RASGRP3: variants seen among roughly 807,000 people sequenced by gnomAD.
RASGRP3 encodes ras guanyl-releasing protein 3.
In RASGRP3, 54 loss-of-function variants were observed where a neutral mutation model predicts 82.7. The ratio of observed to expected loss-of-function variants is 0.65; its 90% CI spans 0.52 to 0.82. The LOEUF (loss-of-function observed/expected upper bound fraction) is 0.82. Among genes scored for constraint, RASGRP3 ranks in the 40% least tolerant of loss-of-function variants. The pLI is 0.00. For missense variants in RASGRP3, 861 were observed against 828.9 expected, an observed-to-expected ratio of 1.04 and a Z score of -0.48; for synonymous variants, 309 against 300.5, an observed-to-expected ratio of 1.03 and a Z score of -0.29.
intron 2 of RASGRP3, among the ~76,000 whole-genome samples, chr2:33,453,364 G>A (rs141543451): frequency 0.012 from 1,811 of 152,300 alleles, 95 homozygotes; most frequent in Admixed American, 0.096. Context: ...TGCATGGATA[G>A]TTGTTCAAAT....
At position 33,520,608 on chromosome 2, in the gene RASGRP3, A is replaced by T. The variant is rs1285164743; in HGVS notation, c.292A>T (p.Met98Leu). The T allele has an allele frequency of 6.2e-7, 1 of 1,613,884 alleles. No individual in the cohort carries two copies. Among genetic ancestry groups the T allele is most frequent in the African/African-American group, 1.3e-5 (1 of 74,926 alleles). Reference protein sequence around the residue: ...EFNLDLGLIRMTEEFREVASQ... With the variant: ...EFNLDLGLIRLTEEFREVASQ... ...TAATTTGGATCTTGGTTTGATTCGTATGACTGAGGAATTTCGGGAAGTAGC... is the reference window on the plus strand; with the variant it reads ...TAATTTGGATCTTGGTTTGATTCGTTTGACTGAGGAATTTCGGGAAGTAGC... Residue 98 changes from methionine to leucine, a missense_variant, in exon 6 of 18, where the codon ATG becomes TTG. Coordinates refer to ENST00000403687, the MANE Select transcript of RASGRP3 (RefSeq NM_001139488.2).
At chr2:33,529,190 T>C (rs1356525921) in intron 10 of RASGRP3, among the ~76,000 whole-genome samples, 1 of 152,092 alleles carries the variant, frequency 6.6e-6, no homozygotes, top group African/African-American at 2.4e-5. Context: ...TTGAAGGATT[T>C]TCAATAAAAT....
chr2:33,505,299 A>AT (rs747642159), intron 1 of RASGRP3, among the ~76,000 whole-genome samples: 3,495 of 142,664 alleles, frequency 0.024, 180 homozygotes, highest in East Asian at 0.18. Context: ...CGCAGACAGG[A>AT]TTTTTTTTTT....
chr2:33,493,986 C>G (rs924878912), intron 1 of RASGRP3, among the ~76,000 whole-genome samples: 1 of 152,158 alleles, frequency 6.6e-6, no homozygotes, highest in Non-Finnish European at 1.5e-5. Flanking sequence ...CCTACTGCCT[C>G]ATATACTTTT....
At chr2:33,540,851 A>G (rs1574464853) in intron 12 of RASGRP3, among the ~76,000 whole-genome samples, 1 of 126,718 alleles carries the variant, frequency 7.9e-6, no homozygotes, top group African/African-American at 2.6e-5. Context: ...CTAAGTAATG[A>G]TACTGGAATT....
intron 10 of RASGRP3, chr2:33,534,094 G>T: frequency 1.9e-6 from 1 of 523,658 alleles, no homozygotes; most frequent in East Asian, 3.2e-5. Context: ...AGTAAATATT[G>T]CTGAGGAATT....
chr2:33,491,538 T>C (rs1668844169), intron 1 of RASGRP3, among the ~76,000 whole-genome samples: 2 of 152,232 alleles, frequency 1.3e-5, no homozygotes, highest in Admixed American at 6.5e-5. Context: ...TAATTGCTTT[T>C]TAATATCCTG....
chr2:33,554,638 A>AAT, intron 14 of RASGRP3, among the ~76,000 whole-genome samples: 1 of 152,020 alleles, frequency 6.6e-6, no homozygotes, highest in Non-Finnish European at 1.5e-5. Flanking sequence ...ATGACCAGCT[A>AAT]ATTTTTTTGT....
At chr2:33,450,926 C>G (rs996838395) in intron 2 of RASGRP3, among the ~76,000 whole-genome samples, 1 of 143,814 alleles carries the variant, frequency 7.0e-6, no homozygotes, top group Non-Finnish European at 1.5e-5. Context: ...CAAACTCCAC[C>G]TCCCAGGTTC....
At chr2:33,509,558 G>A (rs1670735384) in intron 1 of RASGRP3, among the ~76,000 whole-genome samples, 1 of 152,122 alleles carries the variant, frequency 6.6e-6, no homozygotes, top group Non-Finnish European at 1.5e-5. Flanking sequence ...TAACACTTTA[G>A]TCATTGTAAA....
chr2:33,554,643 T>G (rs960194046), intron 14 of RASGRP3, among the ~76,000 whole-genome samples: 1 of 152,134 alleles, frequency 6.6e-6, no homozygotes, highest in Non-Finnish European at 1.5e-5. Context: ...CAGCTAATTT[T>G]TTTGTATTTT....
At chr2:33,466,679 CAA>C (rs35826724) in intron 2 of RASGRP3, among the ~76,000 whole-genome samples, 5 of 137,368 alleles carry the variant, frequency 3.6e-5, no homozygotes, top group Non-Finnish European at 6.4e-5. Flanking sequence ...AACTCTGTAT[CAA>C]AAAAAAAAAA....
chr2:33,486,164 ATTT>A (rs11288449), intron 1 of RASGRP3, among the ~76,000 whole-genome samples: 2,228 of 135,672 alleles, frequency 0.016, 104 homozygotes, highest in East Asian at 0.094. Context: ...TCTTTTATTT[ATTT>A]TTTTTTTTTT....
chr2:33,495,142 G>C (rs1292219506), intron 1 of RASGRP3, among the ~76,000 whole-genome samples: 1 of 152,220 alleles, frequency 6.6e-6, no homozygotes, highest in Non-Finnish European at 1.5e-5. Context: ...TGTGGTGTCA[G>C]TAGGTAGCCC....
rs546767179 is a variant in RASGRP3 at position 33,542,982 on chromosome 2, C to T, written c.1279-530C>T. Among the ~76,000 whole-genome samples, 7 of 152,206 alleles carry T rather than the reference C, an allele frequency of 4.6e-5. No individual in the cohort carries two copies. The South Asian group carries it at 1.2e-3, about 27-fold the overall frequency. ...TGCTAGGATTGCAGGCATGAGCCAC[C>T]GCGCCCAGCCGAAGTTTTATTTTTA... On this transcript the variant is annotated intron_variant, in intron 12 of 17. Coordinates refer to ENST00000403687, the MANE Select transcript of RASGRP3 (RefSeq NM_001139488.2).
At chr2:33,475,598 C>T (rs143729898), upstream of RASGRP3, among the ~76,000 whole-genome samples, 134 of 152,308 alleles carry the variant, frequency 8.8e-4, 1 homozygote, top group Non-Finnish European at 1.6e-3. Context: ...AGGGCAGGCT[C>T]AGACACTGAT....
chr2:33,558,180 A>G lies in RASGRP3; in HGVS notation c.1580-31A>G, dbSNP rs374755944. ...AAACTGAATCAACATCAGACACACT[A>G]ATCATCTGCGACACCCTTGGAATTT... is the stretch of plus-strand genomic sequence containing the variant. On this transcript the variant is annotated intron_variant, in intron 15 of 17. Transcript: ENST00000403687. 11 of 1,601,684 alleles carry G rather than the reference A, an allele frequency of 6.9e-6. No homozygotes were observed. In the African/African-American group the frequency reaches 1.5e-4, roughly 21 times the overall value.
chr2:33,544,350 AGAT>A (rs1376051488), intron 13 of RASGRP3, among the ~76,000 whole-genome samples: 1 of 152,162 alleles, frequency 6.6e-6, no homozygotes, highest in African/African-American at 2.4e-5. Context: ...TCATTAAAGC[AGAT>A]GATAGCTGCA....
intron 1 of RASGRP3, among the ~76,000 whole-genome samples, chr2:33,500,875 A>G (rs146523441): frequency 0.059 from 9,059 of 152,262 alleles, 850 homozygotes; most frequent in African/African-American, 0.2. Context: ...CGGAGGTTGC[A>G]GTGAGCCAAG....
Sources: allele counts gnomAD v4.1 joint callset (sites outside exome capture counted in the v4.1 genomes callset), GRCh38; gene constraint gnomAD v4.1.1; transcripts MANE v1.5; gene names NCBI Gene and HGNC (gene_info 2026-07-23, HGNC 2026-07-21).